Variants in MAPK10 observed in about 807,000 individuals in gnomAD.
MAPK10 encodes mitogen-activated protein kinase 10, also known as JNK3 alpha protein kinase.
MAPK10 carries 25 observed loss-of-function variants against 59.3 expected under a neutral mutation model. The ratio of observed to expected loss-of-function variants is 0.42; its 90% CI spans 0.31 to 0.59. The LOEUF (loss-of-function observed/expected upper bound fraction) is 0.59, where lower values mean the gene tolerates loss of function less well. Ranked by LOEUF, MAPK10 falls within the 20% of genes least tolerant of loss-of-function variation. The pLI is 0.15. For missense variants in MAPK10, 351 were observed against 568.9 expected, an observed-to-expected ratio of 0.62 and a Z score of 3.90; for synonymous variants, 190 against 200.5, an observed-to-expected ratio of 0.95 and a Z score of 0.44.
chr4:86,089,208 T>C, intron 9 of MAPK10: 2 of 1,610,222 alleles, frequency 1.2e-6, no homozygotes, highest in Non-Finnish European at 1.7e-6. Context: ...AAGGATACGA[T>C]CAGTGCCAGG....
chr4:86,438,711 G>C (rs531759352), intron 1 of MAPK10, among the ~76,000 whole-genome samples: 1 of 150,636 alleles, frequency 6.6e-6, no homozygotes, highest in African/African-American at 2.4e-5. Flanking sequence ...AAAAAAACAT[G>C]CAAGGATTTT....
At chr4:86,407,407 A>T (rs1399862641) in intron 1 of MAPK10, among the ~76,000 whole-genome samples, 2 of 152,192 alleles carry the variant, frequency 1.3e-5, no homozygotes, top group Non-Finnish European at 2.9e-5. Flanking sequence ...TTACAGGAGA[A>T]AAAAAGATGA....
chr4:86,203,353 C>T (rs538272708), intron 2 of MAPK10, among the ~76,000 whole-genome samples: 35 of 151,828 alleles, frequency 2.3e-4, no homozygotes, highest in African/African-American at 7.0e-4. Context: ...GTAACTATGA[C>T]GTGTTTTCAC....
intron 2 of MAPK10, among the ~76,000 whole-genome samples, chr4:86,307,784 G>C (rs1032078396): frequency 1.3e-5 from 2 of 152,000 alleles, no homozygotes; most frequent in East Asian, 3.9e-4. Context: ...TCATTTCCAG[G>C]GTGAAAAGTG....
intron 2 of MAPK10, among the ~76,000 whole-genome samples, chr4:86,226,314 A>G (rs1170546846): frequency 6.6e-6 from 1 of 152,206 alleles, no homozygotes; most frequent in African/African-American, 2.4e-5. Context: ...TTAAAGCCAG[A>G]CTTTACCCGG....
chr4:86,467,517 G>A (rs568109752), intron 1 of MAPK10, among the ~76,000 whole-genome samples: 1 of 149,260 alleles, frequency 6.7e-6, no homozygotes, highest in Admixed American at 6.8e-5. Context: ...CAGCATTTTT[G>A]TTTGTTTGTT....
intron 2 of MAPK10, among the ~76,000 whole-genome samples, chr4:86,264,032 C>T (rs760964229): frequency 6.6e-6 from 1 of 152,080 alleles, no homozygotes; most frequent in Non-Finnish European, 1.5e-5. Context: ...ATAGTTGTTG[C>T]TTAAATAGAA....
intron 1 of MAPK10, among the ~76,000 whole-genome samples, chr4:86,399,963 A>C (rs982169640): frequency 1.4e-4 from 22 of 152,194 alleles, no homozygotes; most frequent in African/African-American, 5.3e-4. Flanking sequence ...ATTCCCTTAC[A>C]TGAGATATAA....
chr4:86,379,240 A>T (rs1477762963), intron 1 of MAPK10, among the ~76,000 whole-genome samples: 1 of 152,202 alleles, frequency 6.6e-6, no homozygotes, highest in Non-Finnish European at 1.5e-5. Context: ...AAAGGGACGA[A>T]ACGTCCATCT....
intron 4 of MAPK10, among the ~76,000 whole-genome samples, chr4:86,116,969 C>T (rs1379676004): frequency 6.6e-6 from 1 of 152,244 alleles, no homozygotes; most frequent in Admixed American, 6.5e-5. Flanking sequence ...CAATTGGACA[C>T]ATATCTGCTA....
chr4:86,381,970 C>T (rs1740781695), intron 1 of MAPK10, among the ~76,000 whole-genome samples: 1 of 152,068 alleles, frequency 6.6e-6, no homozygotes, highest in Non-Finnish European at 1.5e-5. Context: ...ATTGTTTTTC[C>T]TCCCTCCTCA....
At position 86,417,690 on chromosome 4, in the gene MAPK10, C is replaced by A. The variant is rs187743029; in HGVS notation, c.-122+35340G>T. On this transcript the variant is annotated intron_variant, in intron 1 of 13. Transcript: ENST00000361569. ...AGAACTTACTCATATTTAAACAAAT[C>A]TAGAGATCCTCTGAGAACCTACTCA... Among the ~76,000 whole-genome samples, 423 of 152,278 alleles carry A rather than the reference C, an allele frequency of 2.8e-3. 3 individuals are homozygous for A. The highest frequency in any genetic ancestry group is 9.8e-3 in the African/African-American group (409 of 41,568).
rs573513115 is a variant in MAPK10, at chr4:86,553,980, G to T, written c.-263+39930C>A. On this transcript the variant is annotated intron_variant, in intron 1 of 4. Coordinates refer to the MAPK10 transcript ENST00000502302. ...TGGCTTCAAACTCCTAGGCTCAAGA[G>T]ATTCTCTTACCTCAGCCTCCCAAGT... is the stretch of plus-strand genomic sequence containing the variant. Among the ~76,000 whole-genome samples the T allele has an allele frequency of 2.0e-5, 3 of 151,502 alleles. No homozygotes were observed. The South Asian group carries it at 6.3e-4, about 32-fold the overall frequency.
intron 1 of MAPK10, among the ~76,000 whole-genome samples, chr4:86,587,296 T>C (rs1422187129): frequency 6.6e-6 from 1 of 152,246 alleles, no homozygotes; most frequent in African/African-American, 2.4e-5. Context: ...ATTTCTGTCA[T>C]GTGACTCTGC....
intron 2 of MAPK10, among the ~76,000 whole-genome samples, chr4:86,232,665 G>A (rs560857972): frequency 6.6e-5 from 10 of 152,206 alleles, no homozygotes; most frequent in Admixed American, 2.6e-4. Flanking sequence ...GAGCCACCAC[G>A]CCCGGCCTAG....
intron 1 of MAPK10, among the ~76,000 whole-genome samples, chr4:86,534,850 G>C (rs1187927063): frequency 6.6e-6 from 1 of 152,112 alleles, no homozygotes; most frequent in African/African-American, 2.4e-5. Flanking sequence ...AGGTTGCAGT[G>C]AACCGAGATC....
intron 1 of MAPK10, among the ~76,000 whole-genome samples, chr4:86,464,018 C>T (rs1300658271): frequency 2.0e-5 from 3 of 151,998 alleles, no homozygotes; most frequent in East Asian, 1.9e-4. Flanking sequence ...TGGATCAAAC[C>T]GTGACTATGA....
At position 86,015,792 on chromosome 4, in the gene MAPK10, C is replaced by A. The variant is rs1397447257; in HGVS notation, c.*1436G>T. The A allele has an allele frequency of 6.6e-6, 1 of 152,080 alleles. No homozygotes were observed. Among genetic ancestry groups the A allele is most frequent in the Non-Finnish European group, 1.5e-5 (1 of 68,018 alleles). 9.4% of individuals were successfully genotyped at this position (152,080 alleles called of 1,614,324 possible). ...CAGTACAAAACTCAGATGATCAGCC[C>A]TTCGATTGCTCATACTTATTAAAAT... On this transcript the variant is annotated 3_prime_UTR_variant, in exon 14 of 14. Coordinates refer to ENST00000641462, the MANE Select transcript of MAPK10 (RefSeq NM_138982.4).
rs1206906841 is a variant in MAPK10 at position 86,479,854 on chromosome 4, A to T, written c.-263+114056T>A. Among the ~76,000 whole-genome samples the T allele has an allele frequency of 1.3e-4, 20 of 152,176 alleles. 1 individual carries two copies. Among genetic ancestry groups the T allele is most frequent in the Admixed American group, 1.3e-3 (20 of 15,282 alleles). Reference sequence around the variant, plus strand: ...ATTCTATAAGACAAATGTTTCTTCTAACAACCCCACAATATCCCCCCTTAC... The same window carrying T: ...ATTCTATAAGACAAATGTTTCTTCTTACAACCCCACAATATCCCCCCTTAC... On this transcript the variant is annotated intron_variant, in intron 1 of 4. Coordinates refer to the MAPK10 transcript ENST00000502302.
Sources: allele counts gnomAD v4.1 joint callset (sites outside exome capture counted in the v4.1 genomes callset), GRCh38; gene constraint gnomAD v4.1.1; transcripts MANE v1.5; gene names NCBI Gene and HGNC (gene_info 2026-07-23, HGNC 2026-07-21).